The following SLC28A1 variants were observed in gnomAD, a reference collection of about 807,000 sequenced individuals.
SLC28A1 encodes sodium/nucleoside cotransporter 1.
A neutral mutation model predicts 74.8 loss-of-function variants in SLC28A1; 64 were observed. The observed-to-expected ratio is 0.86, with a 90% CI of 0.70 to 1.05. The LOEUF is 1.05. SLC28A1 is among the 50% of genes least tolerant of loss of function. The probability of loss-of-function intolerance (pLI) is 0.00; values close to 1 mark genes in which losing one functional copy is unlikely to be tolerated. For synonymous variants in SLC28A1, 359 were observed against 335.0 expected (o/e 1.07, Z -0.78); for missense variants, 828 against 822.8 (o/e 1.01, Z -0.08).
intron 8 of SLC28A1, among the ~76,000 whole-genome samples, chr15:84,906,503 T>G (rs538129148): frequency 9.0e-4 from 4 of 4,440 alleles, no homozygotes; most frequent in Admixed American, 7.4e-3. Flanking sequence ...AAACATGGTT[T>G]GTTTGTTTGT....
chr15:84,920,951 T>A, intron 10 of SLC28A1, 38 bp from the exon 11 acceptor site: 3 of 1,552,620 alleles, frequency 1.9e-6, no homozygotes, highest in Non-Finnish European at 2.7e-6. Context: ...TGGGGTTTGC[T>A]GATGTCAGCC....
the SLC28A1 span, among the ~76,000 whole-genome samples, chr15:84,961,809 C>T: frequency 5.6e-4 from 85 of 152,122 alleles, no homozygotes; most frequent in African/African-American, 2.0e-3. Context: ...GGTGAGACAG[C>T]CAGGAAGAGT....
chr15:84,964,459 C>T, the SLC28A1 span, among the ~76,000 whole-genome samples: 1 of 152,318 alleles, frequency 6.6e-6, no homozygotes, highest in African/African-American at 2.4e-5. Flanking sequence ...GAGACATGCT[C>T]TTTATTGGTT....
chr15:84,892,215 T>A (rs975253315), intron 5 of SLC28A1, among the ~76,000 whole-genome samples: 1 of 151,660 alleles, frequency 6.6e-6, no homozygotes, highest in Non-Finnish European at 1.5e-5. Flanking sequence ...AAATAAATTT[T>A]AAAAAAAGAA....
Position 84,935,439 on chromosome 15 carries a change from A to G in SLC28A1, c.1502A>G (p.Tyr501Cys), listed in dbSNP as rs1971767049. The change falls in exon 15 of 19, where the codon TAT becomes TGT. Residue 501 changes from tyrosine to cysteine, a missense_variant. Tyr to Cys is a radical substitution (Grantham distance 194). This residue lies in a region of SLC28A1 where 767 missense variants were observed against 753.5 expected (regional missense o/e 1.02). Transcript: ENST00000394573. The part of the protein sequence containing the change: ...IKLFLNEFVA[Y>C]QDLSKYKQRR... ...CTGTTTCTGAACGAGTTTGTGGCCTATCAAGACCTCTCCAAGTACAAGCAA... is the reference window on the plus strand; with the variant it reads ...CTGTTTCTGAACGAGTTTGTGGCCTGTCAAGACCTCTCCAAGTACAAGCAA... 1 of 1,614,214 alleles carries G rather than the reference A, an allele frequency of 6.2e-7. No homozygotes were observed. Among genetic ancestry groups the G allele is most frequent in the Non-Finnish European group, 8.5e-7 (1 of 1,180,034 alleles).
intron 6 of SLC28A1, 43 bp downstream of exon 6, chr15:84,895,166 A>G (rs8187753): frequency 1.2e-5 from 19 of 1,607,732 alleles, no homozygotes; most frequent in Admixed American, 1.7e-5. Flanking sequence ...GGGAGGGCCC[A>G]TGAGCTGAGG....
intron 9 of SLC28A1, among the ~76,000 whole-genome samples, chr15:84,914,928 T>C (rs532417037): frequency 5.3e-5 from 8 of 152,158 alleles, no homozygotes; most frequent in Non-Finnish European, 1.0e-4. Flanking sequence ...TCTACCATTC[T>C]CCGTCTCACA....
In SLC28A1 at chr15:84,930,661, G is replaced by A. The variant is rs556816183; in HGVS notation, c.1084-2484G>A. 1.3e-3 allele frequency among the ~76,000 whole-genome samples: 183 copies of A among 140,594 alleles called. 1 individual carries two copies. Among genetic ancestry groups the A allele is most frequent in the Non-Finnish European group, 1.9e-3 (129 of 66,172 alleles). 92.2% of individuals were successfully genotyped at this position (140,594 alleles called of 152,430 possible). On this transcript the variant is annotated intron_variant, in intron 12 of 18. Transcript: ENST00000394573. ...GAGATGGAGTCTCACTCTGTCGCCC[G>A]GGCTGGAGTGCTCAGCTCACTGCAA...
the SLC28A1 span, among the ~76,000 whole-genome samples, chr15:84,967,272 C>G: frequency 6.6e-6 from 1 of 152,206 alleles, no homozygotes; most frequent in Admixed American, 6.5e-5. Context: ...GTTTTCCACA[C>G]AGGTGCTTCA....
intron 12 of SLC28A1, among the ~76,000 whole-genome samples, chr15:84,930,614 CTTTT>C (rs10609233): frequency 1.3e-4 from 13 of 103,490 alleles, no homozygotes; most frequent in Non-Finnish European, 1.7e-4. Context: ...CTGCCCTCTG[CTTTT>C]TTTTTTTTTT....
chr15:84,946,098 ATATATATATATATATT>A (rs1567196335), downstream of SLC28A1, among the ~76,000 whole-genome samples: 1 of 15,506 alleles, frequency 6.4e-5, no homozygotes, highest in African/African-American at 1.8e-4. Flanking sequence ...ATATATATAT[ATATATATATATATATT>A]TTTTTTTTTT....
chr15:84,958,240 G>A, the SLC28A1 span, among the ~76,000 whole-genome samples: 4 of 152,054 alleles, frequency 2.6e-5, no homozygotes, highest in Admixed American at 1.3e-4. Flanking sequence ...CTCTTTTCCC[G>A]AGATGTTCCT....
chr15:84,926,124 A>G (rs1219744914), intron 12 of SLC28A1, among the ~76,000 whole-genome samples: 1 of 148,748 alleles, frequency 6.7e-6, no homozygotes, highest in Non-Finnish European at 1.5e-5. Context: ...TTTATATAAT[A>G]AAATATTGTA....
At chr15:84,944,689 GA>G in intron 17 of SLC28A1, 25 bp downstream of exon 17, 2 of 1,606,732 alleles carry the variant, frequency 1.2e-6, no homozygotes, top group Non-Finnish European at 1.7e-6. Flanking sequence ...GGCAGGCTCA[GA>G]AGGTGGAACC....
intron 9 of SLC28A1, among the ~76,000 whole-genome samples, chr15:84,915,525 C>T (rs1968962674): frequency 6.6e-6 from 1 of 152,192 alleles, no homozygotes; most frequent in South Asian, 2.1e-4. Context: ...CAAGGGCTGT[C>T]CATTCTTGTG....
chr15:84,972,380 C>T, the SLC28A1 span, among the ~76,000 whole-genome samples: 1 of 152,176 alleles, frequency 6.6e-6, no homozygotes, highest in African/African-American at 2.4e-5. Flanking sequence ...CAAGTCACCT[C>T]CCTGGTGTAA....
intron 13 of SLC28A1, 123 bp from the exon 14 acceptor site, chr15:84,934,903 G>A: frequency 2.3e-6 from 2 of 861,390 alleles, no homozygotes; most frequent in Non-Finnish European, 3.9e-6. Context: ...CTGGGTCTCA[G>A]GGAAAATTAG....
the SLC28A1 span, among the ~76,000 whole-genome samples, chr15:84,960,924 A>G: frequency 1.3e-5 from 2 of 152,070 alleles, no homozygotes; most frequent in Non-Finnish European, 2.9e-5. Context: ...TCAATTCAGC[A>G]TGTTTAACTG....
At chr15:84,962,067 T>C in the SLC28A1 span, among the ~76,000 whole-genome samples, 3 of 152,132 alleles carry the variant, frequency 2.0e-5, no homozygotes, top group African/African-American at 4.8e-5. Flanking sequence ...ACCTAAATTT[T>C]TTTTTAAATT....
Sources: allele counts gnomAD v4.1 joint callset (sites outside exome capture counted in the v4.1 genomes callset), GRCh38; gene constraint gnomAD v4.1.1; regional missense constraint gnomAD v4.1.1; transcripts MANE v1.5; gene names NCBI Gene and HGNC (gene_info 2026-07-23, HGNC 2026-07-21).